TMEM132B: variants seen among roughly 807,000 people sequenced by gnomAD.
TMEM132B encodes transmembrane protein 132B.
A neutral mutation model predicts 90.8 loss-of-function variants in TMEM132B; 18 were observed. The ratio of observed to expected loss-of-function variants is 0.20; its 90% confidence interval spans 0.14 to 0.29. TMEM132B has a LOEUF of 0.29. Ranked by LOEUF, TMEM132B falls within the 10% of genes least tolerant of loss-of-function variation. The pLI is 1.00. For missense variants in TMEM132B, 1,096 were observed against 1,326.8 expected, an observed-to-expected ratio of 0.83 and a Z score of 2.70; for synonymous variants, 504 against 523.3, an observed-to-expected ratio of 0.96 and a Z score of 0.50.
intron 3 of TMEM132B, among the ~76,000 whole-genome samples, chr12:125,463,844 C>T (rs1181022991): frequency 6.6e-6 from 1 of 152,158 alleles, no homozygotes; most frequent in African/African-American, 2.4e-5. Flanking sequence ...TTAATTGACT[C>T]ACAGTTCTGC....
chr12:125,641,519 T>A (rs1002080190), intron 5 of TMEM132B, among the ~76,000 whole-genome samples: 2 of 152,224 alleles, frequency 1.3e-5, no homozygotes, highest in Non-Finnish European at 1.5e-5. Context: ...GGCATACACT[T>A]TTTTAAGGGT....
intron 1 of TMEM132B, among the ~76,000 whole-genome samples, chr12:125,348,006 T>C (rs1331830042): frequency 6.6e-6 from 1 of 152,228 alleles, no homozygotes; most frequent in African/African-American, 2.4e-5. Context: ...TTGGGTTCTA[T>C]AGACACACAA....
intron 1 of TMEM132B, among the ~76,000 whole-genome samples, chr12:125,194,113 A>T (rs1486614514): frequency 6.6e-6 from 1 of 152,142 alleles, no homozygotes; most frequent in Non-Finnish European, 1.5e-5. Context: ...CCCTTTCCTG[A>T]CACCTGACTC....
In TMEM132B at chr12:125,458,758, G is replaced by A. The variant is rs957601342; in HGVS notation, c.1106+43081G>A. On this transcript the variant is annotated intron_variant, in intron 3 of 8. Coordinates refer to ENST00000682704, the MANE Select transcript of TMEM132B (RefSeq NM_001366854.1). The surrounding 1 kb of genome is among the most constrained non-coding windows in gnomAD (Gnocchi z 4.9). ...GGGTGGTGTTGTCAGGGTGACTCAC[G>A]TGGACACTCAGCATCTGAGGACAAA... Among the ~76,000 whole-genome samples, 4 of 152,216 alleles carry A rather than the reference G, an allele frequency of 2.6e-5. No individual in the cohort carries two copies. Among genetic ancestry groups the A allele is most frequent in the East Asian group, 1.9e-4 (1 of 5,192 alleles).
chr12:125,317,235 A>G (rs1045916194), intron 1 of TMEM132B, among the ~76,000 whole-genome samples: 14 of 152,018 alleles, frequency 9.2e-5, no homozygotes, highest in African/African-American at 2.2e-4. Flanking sequence ...GAGGATTAGC[A>G]TGGGTTGGTA....
intron 1 of TMEM132B, among the ~76,000 whole-genome samples, chr12:125,274,587 C>T (rs976307807): frequency 3.9e-5 from 6 of 152,200 alleles, no homozygotes; most frequent in Non-Finnish European, 7.3e-5. Flanking sequence ...GTGCTGCCTG[C>T]GACTATCATT....
chr12:125,555,902 G>T (rs1884372995), intron 4 of TMEM132B, among the ~76,000 whole-genome samples: 2 of 152,132 alleles, frequency 1.3e-5, no homozygotes, highest in Non-Finnish European at 2.9e-5. Flanking sequence ...ATGGATGGGG[G>T]ACCCAAGGAT....
chr12:125,346,733 C>T (rs1877380160), intron 1 of TMEM132B, among the ~76,000 whole-genome samples: 1 of 152,186 alleles, frequency 6.6e-6, no homozygotes, highest in Non-Finnish European at 1.5e-5. Flanking sequence ...CCAAATCCTG[C>T]CAAGCCTGTA....
chr12:125,480,978 C>T (rs539101962), intron 3 of TMEM132B, among the ~76,000 whole-genome samples: 1 of 152,156 alleles, frequency 6.6e-6, no homozygotes, highest in Admixed American at 6.5e-5. Flanking sequence ...TAAACATAAT[C>T]CATCACATAA....
Position 125,654,510 on chromosome 12 carries a change from C to A in TMEM132B, c.3052C>A (p.Pro1018Thr), listed in dbSNP as rs1196234862. Residue 1018 changes from proline (P) to threonine (T), a missense_variant, in exon 9 of 9, where the codon CCT becomes ACT. Pro to Thr is a conservative substitution (Grantham distance 38). Coordinates refer to ENST00000682704, the MANE Select transcript of TMEM132B (RefSeq NM_001366854.1). The surrounding 1 kb of genome is among the most constrained non-coding windows in gnomAD (Gnocchi z 5.8). ...CTATGAGAAAGAAATTAAAAATGAACCTATGAATTCTTCGGGCCCAAAGAG... is the reference window on the plus strand; with the variant it reads ...CTATGAGAAAGAAATTAAAAATGAAACTATGAATTCTTCGGGCCCAAAGAG... ...YVYEKEIKNEPMNSSGPKRKR... is the reference protein window; with the variant it reads ...YVYEKEIKNETMNSSGPKRKR... The A allele has an allele frequency of 6.2e-7, 1 of 1,614,038 alleles. No homozygotes were observed. Among genetic ancestry groups the A allele is most frequent in the Non-Finnish European group, 8.5e-7 (1 of 1,180,038 alleles).
intron 1 of TMEM132B, among the ~76,000 whole-genome samples, chr12:125,292,344 A>C (rs1463159111): frequency 2.6e-5 from 4 of 152,252 alleles, no homozygotes; most frequent in African/African-American, 9.6e-5. Context: ...CACTGGAACA[A>C]ATGTGAAATG....
intron 2 of TMEM132B, among the ~76,000 whole-genome samples, chr12:125,403,973 C>CT (rs1879392389): frequency 6.6e-6 from 1 of 152,070 alleles, no homozygotes; most frequent in Non-Finnish European, 1.5e-5. Flanking sequence ...AAGAATTTTG[C>CT]TTTTTTGTTG....
chr12:125,425,443 A>G (rs558067010), intron 3 of TMEM132B, among the ~76,000 whole-genome samples: 5 of 152,260 alleles, frequency 3.3e-5, no homozygotes, highest in African/African-American at 9.6e-5. Flanking sequence ...ACAATTAATT[A>G]GTCAATATTG....
rs150145337 is a variant in TMEM132B, at chr12:125,652,878, C to A, written c.2106+246C>A. Among the ~76,000 whole-genome samples, 132 of 152,362 alleles carry A rather than the reference C, an allele frequency of 8.7e-4. 1 individual carries two copies. Among genetic ancestry groups the A allele is most frequent in the African/African-American group, 3.1e-3 (128 of 41,586 alleles). On this transcript the variant is annotated intron_variant, in intron 8 of 8. Coordinates refer to ENST00000682704, the MANE Select transcript of TMEM132B (RefSeq NM_001366854.1). ...GCCATTTGCTTTCCCCTGGGCTTAT[C>A]TGTGACAGGCACAGCCTGCTGCTAG...
intron 1 of TMEM132B, among the ~76,000 whole-genome samples, chr12:125,297,623 G>A (rs1875704571): frequency 6.6e-6 from 1 of 152,214 alleles, no homozygotes; most frequent in Non-Finnish European, 1.5e-5. Context: ...CTAGGTAAGT[G>A]GAAGCAAGAA....
At chr12:125,519,720 C>A in intron 4 of TMEM132B, 95 bp downstream of exon 4, 1 of 1,293,282 alleles carries the variant, frequency 7.7e-7, no homozygotes, top group Non-Finnish European at 1.1e-6. Flanking sequence ...ATACCTGATA[C>A]ACTGTTTAAA....
At chr12:125,264,425 G>A (rs181367644) in intron 1 of TMEM132B, among the ~76,000 whole-genome samples, 8 of 152,300 alleles carry the variant, frequency 5.3e-5, no homozygotes, top group South Asian at 2.1e-4. Context: ...TGAGGGTCCC[G>A]GGAAGTCAGA....
chr12:125,557,710 A>G (rs1884425701), intron 4 of TMEM132B, among the ~76,000 whole-genome samples: 1 of 152,192 alleles, frequency 6.6e-6, no homozygotes. Context: ...AGATAAAAAA[A>G]AATAGGTAAG....
chr12:125,327,070 C>G (rs1876604677), intron 1 of TMEM132B, among the ~76,000 whole-genome samples: 1 of 152,056 alleles, frequency 6.6e-6, no homozygotes, highest in African/African-American at 2.4e-5. Flanking sequence ...CAAAACCTCT[C>G]TCCACCAAAG....
Sources: allele counts gnomAD v4.1 joint callset (sites outside exome capture counted in the v4.1 genomes callset), GRCh38; gene constraint gnomAD v4.1.1; non-coding constraint Gnocchi (gnomAD v3.1); transcripts MANE v1.5; gene names NCBI Gene and HGNC (gene_info 2026-07-23, HGNC 2026-07-21).